HLA-DPA1: variants seen among roughly 807,000 people sequenced by gnomAD.
HLA-DPA1 encodes major histocompatibility complex, class II, DP alpha 1, also known as HLA class II histocompatibility antigen, DP alpha 1 chain.
HLA-DPA1 carries 20 observed loss-of-function variants against 21.5 expected under a neutral mutation model. That is an observed-to-expected ratio of 0.93 (90% confidence interval 0.66 to 1.35). The LOEUF is 1.35. Ranked by LOEUF, HLA-DPA1 falls within the 40% of genes most tolerant of loss-of-function variation. The pLI is 0.00. For missense variants in HLA-DPA1, 279 were observed against 323.0 expected (o/e 0.86, Z 1.05); for synonymous variants, 123 against 129.6 (o/e 0.95, Z 0.35).
At position 33,076,967 on chromosome 6, in the gene HLA-DPA1, C is replaced by T. The variant is rs376955699; in HGVS notation, c.-99-3298G>A. Among the ~76,000 whole-genome samples the T allele has an allele frequency of 3.5e-3, 538 of 151,916 alleles. 3 individuals are homozygous for T. The highest frequency in any genetic ancestry group is 0.026 in the East Asian group (132 of 5,170). ...TAAGTTCTAGGGTACATGTGCACAA[C>T]GTGCAGGTTTGTTACATATGTATAC... On this transcript the variant is annotated intron_variant, in intron 1 of 5. Coordinates refer to ENST00000419277, the Ensembl canonical transcript of HLA-DPA1.
exon 4 of HLA-DPA1, chr6:33,069,164 C>A: frequency 5.0e-6 from 8 of 1,613,030 alleles, no homozygotes; most frequent in Non-Finnish European, 6.8e-6. Flanking sequence ...CAGCGACACC[C>A]TCAGTGACCA....
intron 4 of HLA-DPA1, 34 bp from the exon 4 acceptor site, chr6:33,068,838 T>C (rs1762100153): frequency 6.2e-7 from 1 of 1,607,210 alleles, no homozygotes; most frequent in Admixed American, 1.7e-5. Flanking sequence ...GGTCAGGAGG[T>C]GCAGTGAGGG....
intron 1 of HLA-DPA1, among the ~76,000 whole-genome samples, chr6:33,076,953 G>A (rs146333918): frequency 2.0e-3 from 300 of 151,972 alleles, no homozygotes; most frequent in Non-Finnish European, 3.3e-3. Flanking sequence ...AAGTTCTAGG[G>A]TACATGTGCA....
chr6:33,072,857 T>C lies in HLA-DPA1; in HGVS notation c.100+614A>G, dbSNP rs139029473. On this transcript the variant is annotated intron_variant, in intron 2 of 5. Coordinates refer to ENST00000419277, the Ensembl canonical transcript of HLA-DPA1. ...CCGAATCACAAGGCTATCAAGACCA[T>C]GCAACCCTGCTGTCTTGAGAGAGGA... 2.1e-3 allele frequency among the ~76,000 whole-genome samples: 325 copies of C among 152,314 alleles called. 1 individual carries two copies. Among genetic ancestry groups the C allele is most frequent in the African/African-American group, 7.3e-3 (305 of 41,566 alleles).
chr6:33,073,035 C>G (rs886216877), intron 2 of HLA-DPA1, among the ~76,000 whole-genome samples: 1 of 152,118 alleles, frequency 6.6e-6, no homozygotes, highest in African/African-American at 2.4e-5. Context: ...GGCTGGGGAT[C>G]CCAGAGAGAT....
intron 1 of HLA-DPA1, among the ~76,000 whole-genome samples, chr6:33,078,197 G>T (rs1434249564): frequency 1.3e-5 from 2 of 152,146 alleles, no homozygotes; most frequent in African/African-American, 2.4e-5. Flanking sequence ...ACGGGCAAAG[G>T]CTGGGTTGAG....
intron 1 of HLA-DPA1, among the ~76,000 whole-genome samples, chr6:33,074,793 T>C (rs1762458645): frequency 6.6e-6 from 1 of 152,178 alleles, no homozygotes; most frequent in Non-Finnish European, 1.5e-5. Flanking sequence ...ATTTGTCTAA[T>C]TATCTATGGC....
rs367599971 is a variant in HLA-DPA1, at chr6:33,072,461, A to C, written c.100+1010T>G. Among the ~76,000 whole-genome samples, 8 of 152,368 alleles carry C rather than the reference A, an allele frequency of 5.3e-5. No individual in the cohort carries two copies. The East Asian group carries it at 1.3e-3, about 26-fold the overall frequency. ...GCTGAGCTCATTAGGAATTTCTACC[A>C]AGAATACTAAAAAGTATTTGCATCT... On this transcript the variant is annotated intron_variant, in intron 2 of 5. Coordinates refer to ENST00000419277, the Ensembl canonical transcript of HLA-DPA1.
rs143577295 is a variant in HLA-DPA1 at position 33,071,035 on chromosome 6, C to G, written c.101-1149G>C. 3.6e-3 allele frequency among the ~76,000 whole-genome samples: 542 copies of G among 151,982 alleles called. 2 individuals are homozygous for G. Among genetic ancestry groups the G allele is most frequent in the East Asian group, 0.026 (133 of 5,166 alleles). ...TCTGGGTTTAGAATGATAAATGCAT[C>G]AGAGTGAGAAGGAACTACGGGACTC... On this transcript the variant is annotated intron_variant, in intron 2 of 5. Coordinates refer to ENST00000419277, the Ensembl canonical transcript of HLA-DPA1.
At chr6:33,065,565 C>T (rs143715828) in intron 5 of HLA-DPA1, 22 of 152,436 alleles carry the variant, frequency 1.4e-4, no homozygotes, top group African/African-American at 5.3e-4. Flanking sequence ...CCTCAAACCC[C>T]AGCTGACTGT....
At chr6:33,068,736 C>G in exon 5 of HLA-DPA1, 1 of 1,612,898 alleles carries the variant, frequency 6.2e-7, no homozygotes, top group Non-Finnish European at 8.5e-7. Context: ...CCGACTAGGC[C>G]CAGCACCAGG....
chr6:33,077,139 A>G (rs1405527442), intron 1 of HLA-DPA1, among the ~76,000 whole-genome samples: 1 of 133,012 alleles, frequency 7.5e-6, no homozygotes, highest in Non-Finnish European at 1.5e-5. Flanking sequence ...CTCATTGTTC[A>G]GTTCCCACCT....
chr6:33,076,079 T>C, intron 1 of HLA-DPA1: 1 of 1,612,668 alleles, frequency 6.2e-7, no homozygotes. Context: ...CCCCGGACAG[T>C]GGCTCTGACG....
At chr6:33,068,681 C>A in exon 5 of HLA-DPA1, 1 of 1,612,926 alleles carries the variant, frequency 6.2e-7, no homozygotes, top group Non-Finnish European at 8.5e-7. Flanking sequence ...GGGGTCATGG[C>A]CAGAACGCAG....
At chr6:33,078,917 AG>A (rs1416477894) in intron 1 of HLA-DPA1, among the ~76,000 whole-genome samples, 1 of 152,178 alleles carries the variant, frequency 6.6e-6, no homozygotes, top group African/African-American at 2.4e-5. Flanking sequence ...ATGGCAGAGG[AG>A]GAGGAATCTG....
chr6:33,073,662 C>T lies in HLA-DPA1; in HGVS notation c.-92G>A. The stretch of plus-strand genomic sequence containing the variant: ...GGCAGATGAGACTGAAACTGTGGGC[C>T]TCTAGCACTGGAAATGGGTGGAGAG... On this transcript the variant is annotated 5_prime_UTR_variant, in exon 2 of 6. Coordinates refer to ENST00000419277, the Ensembl canonical transcript of HLA-DPA1. 1 of 840,594 alleles carries T rather than the reference C, an allele frequency of 1.2e-6. No individual in the cohort carries two copies. The highest frequency in any genetic ancestry group is 2.0e-6 in the Non-Finnish European group (1 of 497,188). 52.1% of individuals were successfully genotyped at this position (840,594 alleles called of 1,614,324 possible). A position where few individuals can be genotyped will look rare whatever the true frequency, so the allele number is the denominator to read the frequency against.
At position 33,080,293 on chromosome 6, in the gene HLA-DPA1, G is replaced by A. The variant is rs1762766334; in HGVS notation, c.-100+387C>T. ...TCAGTCAGGGAGTTAAGTAGGGGGA[G>A]CAGCTCCGCCCTCCACGTCCCCAGC... On this transcript the variant is annotated intron_variant, in intron 1 of 5. Transcript: ENST00000419277. This position sits in a 1 kb window ranked among gnomAD's most constrained non-coding sequence, Gnocchi z 4.3. 1 of 400,114 alleles carries A rather than the reference G, an allele frequency of 2.5e-6. No homozygotes were observed. The highest frequency in any genetic ancestry group is 3.3e-5 in the Admixed American group (1 of 30,100). The allele number at this position is 400,114 out of a possible 1,614,324, so 24.8% of individuals were successfully genotyped here.
intron 5 of HLA-DPA1, chr6:33,066,384 A>G (rs1001907437): frequency 1.3e-5 from 2 of 152,358 alleles, no homozygotes; most frequent in Non-Finnish European, 2.9e-5. Context: ...GTGGGAACAC[A>G]CTGGCCCATT....
exon 3 of HLA-DPA1, chr6:33,069,807 A>G: frequency 6.2e-7 from 1 of 1,602,034 alleles, no homozygotes; most frequent in South Asian, 1.1e-5. Flanking sequence ...AGAACATCTC[A>G]TCTTCATCAA....
Sources: gnomAD v4.1 joint callset for allele counts (sites outside exome capture counted in the v4.1 genomes callset) on GRCh38, gnomAD v4.1.1 for gene constraint, Gnocchi (gnomAD v3.1) non-coding constraint, MANE v1.5 for transcripts, NCBI Gene and HGNC (gene_info 2026-07-23, HGNC 2026-07-21) for gene names.